Variants in ATP8B4 observed in about 807,000 individuals in gnomAD.
ATP8B4 encodes probable phospholipid-transporting ATPase IM.
ATP8B4 carries 133 observed loss-of-function variants against 145.6 expected under a neutral mutation model. The ratio of observed to expected loss-of-function variants is 0.91; its 90% CI spans 0.79 to 1.05. The LOEUF is 1.05. ATP8B4 is among the 50% of genes least tolerant of loss of function. The pLI, the probability that ATP8B4 is intolerant of heterozygous loss-of-function variation, is 0.00. For synonymous variants in ATP8B4, 507 were observed against 492.9 expected, an observed-to-expected ratio of 1.03 and a Z score of -0.38; for missense variants, 1,458 against 1,425.2, an observed-to-expected ratio of 1.02 and a Z score of -0.37.
chr15:50,161,217 G>A (rs906966845), intron 1 of ATP8B4, among the ~76,000 whole-genome samples: 2 of 151,960 alleles, frequency 1.3e-5, no homozygotes, highest in Non-Finnish European at 2.9e-5. Flanking sequence ...CATTGGCATG[G>A]AGTATCTTTT....
At chr15:50,081,755 C>A (rs2054572246) in intron 2 of ATP8B4, among the ~76,000 whole-genome samples, 1 of 152,252 alleles carries the variant, frequency 6.6e-6, no homozygotes. Context: ...CGAGCGATCA[C>A]AGCAAGTATG....
intron 2 of ATP8B4, among the ~76,000 whole-genome samples, chr15:50,086,776 AT>A (rs1344998454): frequency 1.9e-5 from 1 of 51,772 alleles, no homozygotes; most frequent in Non-Finnish European, 2.8e-5. Context: ...CTATATTATT[AT>A]ATATAATAAA....
rs375205940 is a variant in ATP8B4, at chr15:50,143,639, C to G, written c.-42-36631G>C. 7.9e-5 allele frequency among the ~76,000 whole-genome samples: 12 copies of G among 152,286 alleles called. No homozygotes were observed. In the East Asian group the frequency reaches 2.1e-3, roughly 27 times the overall value. On this transcript the variant is annotated intron_variant, in intron 1 of 3. Transcript: ENST00000558829. ...CATTTCACAGTGCATGAGTACCAGG[C>G]AGCATGAATCTCTGGAGGTCAACTT...
intron 2 of ATP8B4, among the ~76,000 whole-genome samples, chr15:50,076,141 G>A (rs1340623621): frequency 6.6e-6 from 1 of 152,060 alleles, no homozygotes; most frequent in African/African-American, 2.4e-5. Context: ...GAATTCTATA[G>A]TTCTGTACCT....
At chr15:49,967,549 T>C (rs1032665342) in intron 13 of ATP8B4, among the ~76,000 whole-genome samples, 4 of 151,762 alleles carry the variant, frequency 2.6e-5, no homozygotes, top group Non-Finnish European at 4.4e-5. Context: ...CTTAATGAAA[T>C]AAAGCATGAA....
chr15:49,978,815 G>GGGGT (rs112013741), intron 12 of ATP8B4, among the ~76,000 whole-genome samples: 17 of 145,314 alleles, frequency 1.2e-4, no homozygotes, highest in East Asian at 2.2e-4. Context: ...AATAAAGAGG[G>GGGGT]GTGTGTGTGT....
chr15:50,024,996 A>G (rs1443765742), intron 6 of ATP8B4, among the ~76,000 whole-genome samples: 1 of 152,166 alleles, frequency 6.6e-6, no homozygotes, highest in Non-Finnish European at 1.5e-5. Context: ...TCCTTGCCCC[A>G]TATTAGTTAC....
chr15:49,944,209 C>T (rs2042386606), intron 14 of ATP8B4, among the ~76,000 whole-genome samples: 2 of 152,042 alleles, frequency 1.3e-5, no homozygotes, highest in Non-Finnish European at 2.9e-5. Flanking sequence ...ATAGTAAATC[C>T]TTTCCTGTAA....
At chr15:50,016,648 T>C (rs1481674687) in intron 6 of ATP8B4, among the ~76,000 whole-genome samples, 1 of 152,112 alleles carries the variant, frequency 6.6e-6, no homozygotes, top group Non-Finnish European at 1.5e-5. Context: ...GGACCAGGAC[T>C]TTATACCATG....
At chr15:49,896,554 T>G (rs2037418685) in intron 23 of ATP8B4, 1 of 152,222 alleles carries the variant, frequency 6.6e-6, no homozygotes, top group African/African-American at 2.4e-5. Context: ...CATTTCCTTT[T>G]CAAGGACAAT....
At position 50,136,160 on chromosome 15, in the gene ATP8B4, C is replaced by T. The variant is rs144400457; in HGVS notation, c.-42-29152G>A. 2.9e-3 allele frequency among the ~76,000 whole-genome samples: 449 copies of T among 152,276 alleles called. 6 individuals carry two copies. Among genetic ancestry groups the T allele is most frequent in the African/African-American group, 0.01 (432 of 41,540 alleles). Reference sequence around the variant, plus strand: ...CAAGACCACCCCTCTCTGCTCTTAGCCCAGGATTTATGAGGGCCGTGTGTC... The same window carrying T: ...CAAGACCACCCCTCTCTGCTCTTAGTCCAGGATTTATGAGGGCCGTGTGTC... On this transcript the variant is annotated intron_variant, in intron 1 of 3. Transcript: ENST00000558829.
In ATP8B4 at chr15:50,156,139, A is replaced by AATAT. The variant is rs544470220; in HGVS notation, c.-43+26118_-43+26121dup. ...ATATAAATATATTTATATATATATAAATATATATATATATATTTGTTTGCT... is the reference window on the plus strand; with the variant it reads ...ATATAAATATATTTATATATATATAAATATATATATATATATATATTTGTTTGCT... On this transcript the variant is annotated intron_variant, in intron 1 of 3. Coordinates refer to the ATP8B4 transcript ENST00000558829. 7.9e-4 allele frequency among the ~76,000 whole-genome samples: 27 copies of AATAT among 34,060 alleles called. No individual in the cohort carries two copies. The South Asian group carries it at 0.012, about 15-fold the overall frequency. The allele number at this position is 34,060 out of a possible 152,430, so 22.3% of individuals were successfully genotyped here. A position where few individuals can be genotyped will look rare whatever the true frequency, so the allele number is the denominator to read the frequency against.
At chr15:50,156,808 G>A (rs1177371706) in intron 1 of ATP8B4, among the ~76,000 whole-genome samples, 1 of 152,188 alleles carries the variant, frequency 6.6e-6, no homozygotes, top group Non-Finnish European at 1.5e-5. Flanking sequence ...CCACTTCTTA[G>A]TAATCTCTTA....
intron 14 of ATP8B4, among the ~76,000 whole-genome samples, chr15:49,945,027 C>T (rs1221596240): frequency 3.3e-5 from 5 of 152,090 alleles, no homozygotes; most frequent in Non-Finnish European, 7.4e-5. Flanking sequence ...ACATGCCAAA[C>T]CTCATGGCAT....
chr15:49,940,604 T>C (rs1234659265), intron 14 of ATP8B4, among the ~76,000 whole-genome samples: 6 of 151,636 alleles, frequency 4.0e-5, no homozygotes, highest in African/African-American at 1.5e-4. Flanking sequence ...CAAAGAAAAA[T>C]GAGGGTGGTT....
chr15:50,181,615 G>A (rs2044848874), intron 1 of ATP8B4, among the ~76,000 whole-genome samples: 1 of 152,226 alleles, frequency 6.6e-6, no homozygotes, highest in Non-Finnish European at 1.5e-5. Context: ...AGGTTAGAGT[G>A]TCCTGCCCTC....
intron 1 of ATP8B4, among the ~76,000 whole-genome samples, chr15:50,151,535 A>G (rs1398061430): frequency 6.6e-6 from 1 of 152,166 alleles, no homozygotes; most frequent in Admixed American, 6.5e-5. Flanking sequence ...GTATTCTGCT[A>G]TTTAAAAAGA....
chr15:50,129,943 A>G (rs1445768628), intron 1 of ATP8B4, among the ~76,000 whole-genome samples: 1 of 82,450 alleles, frequency 1.2e-5, no homozygotes, highest in African/African-American at 7.8e-5. Context: ...CAAGACTCTG[A>G]CTCAAAAAAA....
At chr15:49,986,108 C>G (rs991364704) in intron 10 of ATP8B4, among the ~76,000 whole-genome samples, 2 of 152,168 alleles carry the variant, frequency 1.3e-5, no homozygotes, top group African/African-American at 4.8e-5. Context: ...AGAAACCTTA[C>G]AAAGAAGAAC....
Sources: allele counts gnomAD v4.1 joint callset (sites outside exome capture counted in the v4.1 genomes callset), GRCh38; gene constraint gnomAD v4.1.1; transcripts MANE v1.5; gene names NCBI Gene and HGNC (gene_info 2026-07-23, HGNC 2026-07-21).